Variants in AGAP2 observed in about 807,000 individuals in gnomAD.
AGAP2 encodes arf-GAP with GTPase, ANK repeat and PH domain-containing protein 2.
Under a neutral mutation model 110.9 loss-of-function variants are expected in AGAP2, and 32 were observed. The observed-to-expected ratio is 0.29, with a 90% CI of 0.22 to 0.39. The LOEUF (loss-of-function observed/expected upper bound fraction) is 0.39, where lower values mean the gene tolerates loss of function less well. AGAP2 is among the 10% of genes least tolerant of loss of function. The probability of loss-of-function intolerance (pLI) is 1.00; values close to 1 mark genes in which losing one functional copy is unlikely to be tolerated. For missense variants in AGAP2, 1,285 were observed against 1,638.5 expected, an observed-to-expected ratio of 0.78 and a Z score of 3.72; for synonymous variants, 702 against 713.0, an observed-to-expected ratio of 0.98 and a Z score of 0.25.
At chr12:57,730,725 C>A in intron 11 of AGAP2, 66 bp downstream of exon 11, 3 of 1,609,818 alleles carry the variant, frequency 1.9e-6, no homozygotes, top group Non-Finnish European at 2.5e-6. Context: ...CCCCCTCTTC[C>A]CTCTTACCCC....
At chr12:57,724,905 C>G (rs1420299335), downstream of AGAP2, 1 of 152,388 alleles carries the variant, frequency 6.6e-6, no homozygotes, top group African/African-American at 2.4e-5. Context: ...CTCCATGGGC[C>G]TGTCCTCTCC....
In AGAP2 at chr12:57,725,941, C is replaced by T; in HGVS notation, c.*611G>A. 1 of 151,844 alleles carries T rather than the reference C, an allele frequency of 6.6e-6. No homozygotes were observed. The highest frequency in any genetic ancestry group is 2.0e-4 in the East Asian group (1 of 5,122). 9.4% of individuals were successfully genotyped at this position (151,844 alleles called of 1,614,324 possible). ...GTAGGTGTAGGGGACGTCCTGGTTT[C>T]CACTACTCACGGTCCCTTTCACGGA... On this transcript the variant is annotated 3_prime_UTR_variant, in exon 19 of 19. Transcript: ENST00000547588.
In AGAP2 at chr12:57,737,362, G is replaced by C. The variant is rs772396257; in HGVS notation, c.885C>G (p.Leu295=). 186 of 1,613,896 alleles carry C rather than the reference G, an allele frequency of 1.2e-4. No individual in the cohort carries two copies. The African/African-American group carries it at 2.3e-3, about 20-fold the overall frequency. ...PPAGSPPPLT[L]PPTPSPATAV... ...CAGTGGCTGGACTCGGAGTTGGTGG[G>C]AGGGTTAGCGGAGGAGGAGAGCCGG... Residue 295 remains leucine, a synonymous_variant, in exon 1 of 19, where the codon CTC becomes CTG. Coordinates refer to ENST00000547588, the MANE Select transcript of AGAP2 (RefSeq NM_001122772.3). The surrounding 1 kb of genome is among the most constrained non-coding windows in gnomAD (Gnocchi z 5.9).
At chr12:57,734,725 G>C in intron 2 of AGAP2, 46 bp from the exon 3 acceptor site, 2 of 1,575,092 alleles carry the variant, frequency 1.3e-6, no homozygotes, top group East Asian at 4.5e-5. Context: ...ATAAGAGAAG[G>C]CAGGATGCAT....
intron 12 of AGAP2, chr12:57,730,253 C>G (rs555247990): frequency 7.2e-6 from 4 of 553,558 alleles, no homozygotes; most frequent in Non-Finnish European, 9.4e-6. Context: ...AACTGAGGCA[C>G]GGAGAGGTCA....
At chr12:57,728,260 G>A (rs1954812532) in intron 14 of AGAP2, 58 bp downstream of exon 14, 2 of 1,590,514 alleles carry the variant, frequency 1.3e-6, no homozygotes, top group Non-Finnish European at 8.6e-7. Context: ...GGAAGGCGGG[G>A]GCACCCCCAC....
Position 57,727,559 on chromosome 12 carries a change from G to C in AGAP2, c.2881C>G (p.Leu961Val). 2 of 1,608,738 alleles carry C rather than the reference G, an allele frequency of 1.2e-6. No individual in the cohort carries two copies. The highest frequency in any genetic ancestry group is 1.7e-6 in the Non-Finnish European group (2 of 1,179,016). ...CACTCGATGCAGATGAGGGCGCCCA[G>C]GTTCAAGCTGGCCCACGTGGGGTCT... is the stretch of plus-strand genomic sequence containing the variant. The part of the protein sequence containing the change: ...APNPTWASLN[L>V]GALICIECSG... The change falls in exon 17 of 19, where the codon CTG (leucine) becomes GTG (valine). Residue 961 changes from leucine (L) to valine (V), a missense_variant. Physicochemically the swap from Leu to Val is conservative, Grantham distance 32. This residue lies in a region of AGAP2 where 39 missense variants were observed against 45.8 expected (regional missense o/e 0.85). Transcript: ENST00000547588.
At chr12:57,732,701 T>C (rs1954909635) in intron 6 of AGAP2, 144 bp downstream of exon 6, 1 of 1,461,678 alleles carries the variant, frequency 6.8e-7, no homozygotes, top group Non-Finnish European at 9.2e-7. Flanking sequence ...AAGCAAACCT[T>C]CTCTGGCCTC....
At chr12:57,742,050 C>G (rs113574153), upstream of AGAP2, 1 of 1,614,176 alleles carries the variant, frequency 6.2e-7, no homozygotes, top group Admixed American at 1.7e-5. Context: ...GCAGCTACAA[C>G]GAACTGCCTC....
chr12:57,737,453 T>A lies in AGAP2; in HGVS notation c.794A>T (p.Lys265Met). Residue 265 changes from lysine (K) to methionine (M), a missense_variant, in exon 1 of 19, where the codon AAG (lysine) becomes ATG (methionine). Around this residue, in one of 7 missense-constraint regions of AGAP2, gnomAD observed 844 missense variants for 941.2 expected, o/e 0.90. Transcript: ENST00000547588. The surrounding 1 kb of genome is among the most constrained non-coding windows in gnomAD (Gnocchi z 5.9). ...ACTCTTGCCTTTCCGAGGGGACAAC[T>A]TCCCTCGGGCTCCAGCCCCAGCCCC... Reference protein sequence around the residue: ...GVGAGAGARGKLSPRKGKSKT... With the variant: ...GVGAGAGARGMLSPRKGKSKT... The A allele has an allele frequency of 6.2e-7, 1 of 1,613,040 alleles. No homozygotes were observed. Among genetic ancestry groups the A allele is most frequent in the Non-Finnish European group, 8.5e-7 (1 of 1,179,626 alleles).
chr12:57,740,910 T>C (rs2140372059), upstream of AGAP2, among the ~76,000 whole-genome samples: 1 of 152,248 alleles, frequency 6.6e-6, no homozygotes, highest in African/African-American at 2.4e-5. Flanking sequence ...GAGGTGTCCT[T>C]GAGGGAAAGA....
In AGAP2 at chr12:57,738,345, C is replaced by T; in HGVS notation, c.-99G>A. On this transcript the variant is annotated 5_prime_UTR_variant, in exon 1 of 19. Coordinates refer to ENST00000547588, the MANE Select transcript of AGAP2 (RefSeq NM_001122772.3). The surrounding 1 kb of genome is among the most constrained non-coding windows in gnomAD (Gnocchi z 6.7). ...GCCGCCCTGCTCGCTGCCCCCAGCC[C>T]CCGGACCCCGCTGAGCCCCCGGCCC... 1 of 1,290,448 alleles carries T rather than the reference C, an allele frequency of 7.7e-7. No individual in the cohort carries two copies. The highest frequency in any genetic ancestry group is 9.8e-7 in the Non-Finnish European group (1 of 1,018,218). The allele number at this position is 1,290,448 out of a possible 1,614,324, so 79.9% of individuals were successfully genotyped here. A position where few individuals can be genotyped will look rare whatever the true frequency, so the allele number is the denominator to read the frequency against.
rs138797704 is a variant in AGAP2 at position 57,737,089 on chromosome 12, G to A, written c.1158C>T (p.Arg386=). The change falls in exon 1 of 19, where the codon CGC becomes CGT. Residue 386 remains arginine, a synonymous_variant. Transcript: ENST00000547588. This position sits in a 1 kb window ranked among gnomAD's most constrained non-coding sequence, Gnocchi z 5.9. ...GSRELLGAEL[R]ASPKAVINSQ... is the part of the protein sequence containing the mutation. Reference sequence around the variant, plus strand: ...CCTGACTCAACTCACTAGGGGAAGCGCGGAGCTCGGCGCCCAGCAGCTCCC... The same window carrying A: ...CCTGACTCAACTCACTAGGGGAAGCACGGAGCTCGGCGCCCAGCAGCTCCC... 665 of 1,541,096 alleles carry A rather than the reference G, an allele frequency of 4.3e-4. No individual in the cohort carries two copies. The highest frequency in any genetic ancestry group is 5.4e-4 in the Non-Finnish European group (623 of 1,144,308).
Position 57,726,632 on chromosome 12 carries a change from TGCTGGGCGTGGTGGCCGC to T in AGAP2, c.3481_3498del (p.Ala1161_Ser1166del), listed in dbSNP as rs772987826. ...CGGCGGGGGCTGGGCGTGGCGGTGATGCTGGGCGTGGTGGCCGCGCTGGGCGTGGTGGCCGCGCTGCCG... is the reference window on the plus strand; with the variant it reads ...CGGCGGGGGCTGGGCGTGGCGGTGATGCTGGGCGTGGTGGCCGCGCTGCCG... On this transcript the variant is annotated inframe_deletion, in exon 19 of 19. Transcript: ENST00000547588. The surrounding 1 kb of genome is among the most constrained non-coding windows in gnomAD (Gnocchi z 5.7). 7.2e-4 allele frequency: 859 copies of T among 1,200,326 alleles called. 2 individuals carry two copies. The highest frequency in any genetic ancestry group is 2.5e-3 in the Admixed American group (55 of 22,354). 74.4% of individuals were successfully genotyped at this position (1,200,326 alleles called of 1,614,324 possible).
upstream of AGAP2, among the ~76,000 whole-genome samples, chr12:57,741,588 T>G (rs1955077039): frequency 6.6e-6 from 1 of 152,148 alleles, no homozygotes; most frequent in Non-Finnish European, 1.5e-5. Flanking sequence ...TGCTTCCTGC[T>G]CTGGACTCCC....
chr12:57,727,987 C>T lies in AGAP2; in HGVS notation c.2716G>A (p.Glu906Lys). The change falls in exon 15 of 19, where the codon GAG becomes AAG. Residue 906 changes from glutamate to lysine, a missense_variant. Transcript: ENST00000547588. ...TGCAGACTGGCTAGGATCTGACTCT[C>T]GATGGCCTGGACCCAGGCATCCCGC... Reference protein sequence around the residue: ...EERDAWVQAIESQILASLQCC... With the variant: ...EERDAWVQAIKSQILASLQCC... The T allele has an allele frequency of 1.9e-6, 3 of 1,614,192 alleles. No homozygotes were observed. The highest frequency in any genetic ancestry group is 1.7e-6 in the Non-Finnish European group (2 of 1,180,022).
In AGAP2 at chr12:57,735,358, G is replaced by C; in HGVS notation, c.1227+11C>G. The C allele has an allele frequency of 6.2e-7, 1 of 1,613,752 alleles. No homozygotes were observed. Among genetic ancestry groups the C allele is most frequent in the Non-Finnish European group, 8.5e-7 (1 of 1,179,834 alleles). On this transcript the variant is annotated intron_variant, in intron 2 of 18. Transcript: ENST00000547588. ...AGCCTTCCCTATAGGCAAGGGGACT[G>C]GGTTACCTACCAGGCGCAGTTCAGG...
chr12:57,731,885 T>C lies in AGAP2; in HGVS notation c.1877A>G (p.Glu626Gly). The C allele has an allele frequency of 6.2e-7, 1 of 1,611,698 alleles. No homozygotes were observed. Residue 626 changes from glutamate to glycine, a missense_variant, in exon 8 of 19, where the codon GAG becomes GGG. By Grantham distance (98) the Glu-to-Gly change is moderately conservative. This residue lies in a region of AGAP2 where 844 missense variants were observed against 941.2 expected (regional missense o/e 0.90). Transcript: ENST00000547588. Reference protein sequence around the residue: ...PNVGHRELRAEAAAVAGLSTP... With the variant: ...PNVGHRELRAGAAAVAGLSTP... ...GCTCAATCCAGCCACTGCAGCTGCC[T>C]CGGCTCGGAGCTCCCGGTGACCAAC...
rs541647352 is a variant in AGAP2, at chr12:57,734,236, G to C, written c.1402-63C>G. 272 of 1,611,320 alleles carry C rather than the reference G, an allele frequency of 1.7e-4. 1 individual carries two copies. Among genetic ancestry groups the C allele is most frequent in the East Asian group, 6.7e-4 (30 of 44,830 alleles). On this transcript the variant is annotated intron_variant, in intron 4 of 18. Coordinates refer to ENST00000547588, the MANE Select transcript of AGAP2 (RefSeq NM_001122772.3). ...GGTCTACTCCTCTGGACCCAATCCA[G>C]ATGAAGACCTGGGAAACCAGAGCCC...
Sources: allele counts gnomAD v4.1 joint callset (sites outside exome capture counted in the v4.1 genomes callset), GRCh38; gene constraint gnomAD v4.1.1; regional missense constraint gnomAD v4.1.1; non-coding constraint Gnocchi (gnomAD v3.1); transcripts MANE v1.5; gene names NCBI Gene and HGNC (gene_info 2026-07-23, HGNC 2026-07-21).